INSL6: variants seen among roughly 807,000 people sequenced by gnomAD.
INSL6 encodes insulin-like peptide INSL6.
A neutral mutation model predicts 9.4 loss-of-function variants in INSL6; 16 were observed. That is an observed-to-expected ratio of 1.70 (90% CI 1.15 to 2.59). The LOEUF is 2.59. INSL6 is among the 30% of genes most tolerant of loss of function. The pLI is 0.00. For synonymous variants in INSL6, 154 were observed against 96.9 expected (o/e 1.59, Z -3.46); for missense variants, 391 against 257.3 (o/e 1.52, Z -3.56).
At chr9:5,164,627 C>T (rs552855598) in intron 1 of INSL6, among the ~76,000 whole-genome samples, 2 of 152,328 alleles carry the variant, frequency 1.3e-5, no homozygotes, top group South Asian at 4.2e-4. Context: ...TGCCCATTAG[C>T]AGTCATTTCC....
At chr9:5,021,784 C>T in the INSL6 span, among the ~76,000 whole-genome samples, 1 of 152,086 alleles carries the variant, frequency 6.6e-6, no homozygotes. Flanking sequence ...GCTGCCACGC[C>T]CAGCTAATTT....
chr9:5,138,652 C>A (rs960449697), intron 2 of INSL6, among the ~76,000 whole-genome samples: 2 of 151,940 alleles, frequency 1.3e-5, no homozygotes, highest in Admixed American at 1.3e-4. Context: ...ATGGGTGCAG[C>A]AAACCACCAT....
At chr9:5,139,318 C>T (rs1824445118) in intron 2 of INSL6, among the ~76,000 whole-genome samples, 1 of 152,140 alleles carries the variant, frequency 6.6e-6, no homozygotes. Context: ...TGGATTACTA[C>T]ATCCTATCCA....
At chr9:5,035,597 G>A in the INSL6 span, among the ~76,000 whole-genome samples, 4 of 152,104 alleles carry the variant, frequency 2.6e-5, no homozygotes, top group African/African-American at 4.8e-5. Flanking sequence ...ATCAATAAAC[G>A]TAATCCAGCA....
At chr9:5,164,432 TGTA>T (rs1825004140) in intron 1 of INSL6, among the ~76,000 whole-genome samples, 167 bp from the exon 2 acceptor site, 2 of 152,222 alleles carry the variant, frequency 1.3e-5, no homozygotes, top group Admixed American at 6.5e-5. Context: ...CTAAAGTAGG[TGTA>T]GTGTTTTCCT....
intron 1 of INSL6, among the ~76,000 whole-genome samples, chr9:5,173,204 T>C (rs1825220612): frequency 6.6e-6 from 1 of 152,176 alleles, no homozygotes; most frequent in African/African-American, 2.4e-5. Context: ...TGGAAGACAG[T>C]GTGGTGATTC....
At chr9:5,036,091 ACAAACAGAGAGC>A in the INSL6 span, among the ~76,000 whole-genome samples, 1 of 152,218 alleles carries the variant, frequency 6.6e-6, no homozygotes, top group South Asian at 2.1e-4. Context: ...CCAATAACAG[ACAAACAGAGAGC>A]CAAATCATGA....
At chr9:5,117,752 T>G in the INSL6 span, among the ~76,000 whole-genome samples, 5 of 152,090 alleles carry the variant, frequency 3.3e-5, no homozygotes, top group African/African-American at 1.2e-4. Context: ...GAAACAAAAG[T>G]TTTTTGGCAA....
At chr9:5,166,461 A>G (rs898766358) in intron 1 of INSL6, among the ~76,000 whole-genome samples, 11 of 152,308 alleles carry the variant, frequency 7.2e-5, no homozygotes, top group African/African-American at 2.6e-4. Flanking sequence ...AATCAGGAAC[A>G]AAAAAGATGG....
chr9:5,012,550 G>A, the INSL6 span, among the ~76,000 whole-genome samples: 1 of 152,166 alleles, frequency 6.6e-6, no homozygotes, highest in South Asian at 2.1e-4. Context: ...CTCATTAAGG[G>A]AGGCAACCCA....
chr9:5,076,203 G>T, the INSL6 span, among the ~76,000 whole-genome samples: 4 of 152,118 alleles, frequency 2.6e-5, no homozygotes, highest in African/African-American at 9.7e-5. Flanking sequence ...GACAACAAAG[G>T]GTTTGGAATT....
rs571652470 is a variant in INSL6, at chr9:5,141,087, C to T, written c.377-7495G>A. On this transcript the variant is annotated intron_variant, in intron 2 of 3. Coordinates refer to the INSL6 transcript ENST00000649639. Reference sequence around the variant, plus strand: ...AGTACTCCATGGTGTATATGTACCACATTTTTTTAATCCAGTCTATCACTG... The same window carrying T: ...AGTACTCCATGGTGTATATGTACCATATTTTTTTAATCCAGTCTATCACTG... Among the ~76,000 whole-genome samples, 21 of 152,240 alleles carry T rather than the reference C, an allele frequency of 1.4e-4. 1 individual carries two copies. The South Asian group carries it at 3.7e-3, about 27-fold the overall frequency.
the INSL6 span, among the ~76,000 whole-genome samples, chr9:5,010,425 A>G: frequency 1.9e-4 from 29 of 151,968 alleles, no homozygotes; most frequent in South Asian, 8.3e-4. Flanking sequence ...GGTTCAAGCA[A>G]TTCTCCTGCC....
chr9:5,163,526 T>C (rs1405082041), downstream of INSL6, among the ~76,000 whole-genome samples: 5 of 152,166 alleles, frequency 3.3e-5, no homozygotes, highest in African/African-American at 1.2e-4. Flanking sequence ...GACAGATGGG[T>C]CGACATCTTG....
At chr9:5,136,420 C>T (rs1314527821) in intron 2 of INSL6, among the ~76,000 whole-genome samples, 1 of 152,280 alleles carries the variant, frequency 6.6e-6, no homozygotes, top group African/African-American at 2.4e-5. Flanking sequence ...AGCTTATCCA[C>T]CATGATCAAG....
chr9:4,995,671 A>G, the INSL6 span, among the ~76,000 whole-genome samples: 4 of 152,234 alleles, frequency 2.6e-5, no homozygotes, highest in Non-Finnish European at 2.9e-5. Flanking sequence ...CAAGTCCTGT[A>G]TAATATTTAT....
At chr9:5,057,693 C>T in the INSL6 span, among the ~76,000 whole-genome samples, 1 of 151,056 alleles carries the variant, frequency 6.6e-6, no homozygotes, top group Non-Finnish European at 1.5e-5. Context: ...AGCAATTTTC[C>T]TGCCTCAGCC....
intron 1 of INSL6, among the ~76,000 whole-genome samples, chr9:5,166,162 C>T (rs1189712763): frequency 6.6e-6 from 1 of 152,176 alleles, no homozygotes; most frequent in Non-Finnish European, 1.5e-5. Context: ...GGAACATAAA[C>T]ACACGGAAAA....
chr9:5,116,779 T>C, the INSL6 span, among the ~76,000 whole-genome samples: 1 of 152,144 alleles, frequency 6.6e-6, no homozygotes, highest in Non-Finnish European at 1.5e-5. Context: ...GATAGGCAAA[T>C]TCAACTGACA....
Sources: allele counts gnomAD v4.1 joint callset (sites outside exome capture counted in the v4.1 genomes callset), GRCh38; gene constraint gnomAD v4.1.1; transcripts MANE v1.5; gene names NCBI Gene and HGNC (gene_info 2026-07-23, HGNC 2026-07-21).